Variants in CNTN4 observed in about 807,000 individuals in gnomAD.
CNTN4 encodes contactin-4.
A neutral mutation model predicts 122.5 loss-of-function variants in CNTN4; 77 were observed. That is an observed-to-expected ratio of 0.63 (90% CI 0.52 to 0.76). The LOEUF (loss-of-function observed/expected upper bound fraction) is 0.76, where lower values mean the gene tolerates loss of function less well. Among genes scored for constraint, CNTN4 ranks in the 30% least tolerant of loss-of-function variants. The probability of loss-of-function intolerance (pLI) is 0.00; values close to 1 mark genes in which losing one functional copy is unlikely to be tolerated. For missense variants in CNTN4, 1,256 were observed against 1,259.1 expected, an observed-to-expected ratio of 1.00 and a Z score of 0.04; for synonymous variants, 512 against 447.0, an observed-to-expected ratio of 1.15 and a Z score of -1.83.
intron 4 of CNTN4, among the ~76,000 whole-genome samples, chr3:2,590,151 C>T (rs779101452): frequency 6.6e-6 from 1 of 152,204 alleles, no homozygotes; most frequent in African/African-American, 2.4e-5. Flanking sequence ...TTGGTCTTCC[C>T]TCATCTTCAC....
At chr3:2,101,873 T>C (rs2031993189) in intron 2 of CNTN4, among the ~76,000 whole-genome samples, 1 of 152,226 alleles carries the variant, frequency 6.6e-6, no homozygotes, top group Admixed American at 6.5e-5. Flanking sequence ...TAGCACACTT[T>C]AAAGATCACT....
chr3:2,904,378 G>C lies in CNTN4; in HGVS notation c.1207+1373G>C, dbSNP rs112269031. ...CTCAAGTAGAATGTACTTCCATTCTGTGCAATGTAAAAAAATAAAAAGAAA... is the reference window on the plus strand; with the variant it reads ...CTCAAGTAGAATGTACTTCCATTCTCTGCAATGTAAAAAAATAAAAAGAAA... On this transcript the variant is annotated intron_variant, in intron 12 of 24. Coordinates refer to ENST00000418658, the MANE Select transcript of CNTN4 (RefSeq NM_175607.3). Among the ~76,000 whole-genome samples the C allele has an allele frequency of 3.5e-3, 528 of 152,262 alleles. 8 individuals are homozygous for C. The highest frequency in any genetic ancestry group is 0.012 in the African/African-American group (500 of 41,546).
At chr3:2,384,109 G>T (rs1411534329) in intron 3 of CNTN4, among the ~76,000 whole-genome samples, 1 of 152,138 alleles carries the variant, frequency 6.6e-6, no homozygotes, top group Non-Finnish European at 1.5e-5. Context: ...CGGTTGTTGG[G>T]TGAATCAAAT....
chr3:2,263,596 A>G (rs2040923642), intron 2 of CNTN4, among the ~76,000 whole-genome samples: 1 of 152,112 alleles, frequency 6.6e-6, no homozygotes, highest in Admixed American at 6.6e-5. Flanking sequence ...TGGGATACCT[A>G]TTACCTCAAA....
At chr3:2,550,192 A>G (rs1337703933) in intron 3 of CNTN4, among the ~76,000 whole-genome samples, 4 of 151,988 alleles carry the variant, frequency 2.6e-5, no homozygotes, top group Non-Finnish European at 2.9e-5. Flanking sequence ...TCATGTATCT[A>G]TCTTTTTCAG....
intron 4 of CNTN4, among the ~76,000 whole-genome samples, chr3:2,688,861 C>T (rs537764379): frequency 5.9e-5 from 9 of 152,230 alleles, no homozygotes; most frequent in East Asian, 1.9e-4. Flanking sequence ...TCACTAGTGA[C>T]GGTTGAGCAT....
Position 2,754,423 on chromosome 3 carries a change from G to A in CNTN4, c.358+8726G>A, listed in dbSNP as rs546728833. 4.6e-5 allele frequency among the ~76,000 whole-genome samples: 7 copies of A among 152,078 alleles called. 1 individual carries two copies. In the South Asian group the frequency reaches 1.5e-3, roughly 32 times the overall value. On this transcript the variant is annotated intron_variant, in intron 6 of 24. Coordinates refer to ENST00000418658, the MANE Select transcript of CNTN4 (RefSeq NM_175607.3). ...GCTACCTGCCTGCTGTAGGGAAACT[G>A]GCATTATCATGGTCATGGGCAAGGT...
intron 3 of CNTN4, among the ~76,000 whole-genome samples, chr3:2,416,538 G>T (rs2047419915): frequency 6.6e-6 from 1 of 152,172 alleles, no homozygotes; most frequent in South Asian, 2.1e-4. Context: ...TTCATTAGTG[G>T]ATATTACATT....
intron 10 of CNTN4, among the ~76,000 whole-genome samples, chr3:2,895,831 G>C (rs11707602): frequency 0.22 from 33,432 of 152,084 alleles, 4,402 homozygotes; most frequent in East Asian, 0.55. Flanking sequence ...TCAGGAGATC[G>C]AGACCATCCT....
intron 8 of CNTN4, among the ~76,000 whole-genome samples, chr3:2,879,293 G>A (rs1392808672): frequency 6.6e-6 from 1 of 152,134 alleles, no homozygotes; most frequent in East Asian, 1.9e-4. Flanking sequence ...ACCACCAGAA[G>A]GTAGGAAGGA....
intron 3 of CNTN4, among the ~76,000 whole-genome samples, chr3:2,509,429 C>T (rs1231028008): frequency 6.6e-6 from 1 of 152,080 alleles, no homozygotes; most frequent in African/African-American, 2.4e-5. Context: ...CATGTTGAAC[C>T]AACACAAAAT....
At chr3:2,412,591 G>A (rs1290816969) in intron 3 of CNTN4, among the ~76,000 whole-genome samples, 3 of 152,144 alleles carry the variant, frequency 2.0e-5, no homozygotes, top group African/African-American at 7.2e-5. Flanking sequence ...GTACCCACGT[G>A]GGGTTGTGGT....
chr3:2,292,322 T>C (rs990345934), intron 2 of CNTN4, among the ~76,000 whole-genome samples: 1 of 152,218 alleles, frequency 6.6e-6, no homozygotes, highest in African/African-American at 2.4e-5. Context: ...AATTGTCACT[T>C]AGGATTTATT....
intron 7 of CNTN4, among the ~76,000 whole-genome samples, chr3:2,833,012 A>T (rs1013093353): frequency 6.6e-6 from 1 of 152,208 alleles, no homozygotes; most frequent in Non-Finnish European, 1.5e-5. Context: ...ATACTTAGTG[A>T]TAAAAAAAAA....
chr3:2,880,336 G>A lies in CNTN4; in HGVS notation c.653-2809G>A, dbSNP rs150795916. ...AAGGCAGGCTGTCTTGATTTCCTGG[G>A]AAGACGAAAGACCTCCTTCTCTCAA... On this transcript the variant is annotated intron_variant, in intron 8 of 24. Coordinates refer to ENST00000418658, the MANE Select transcript of CNTN4 (RefSeq NM_175607.3). Among the ~76,000 whole-genome samples, 11 of 152,298 alleles carry A rather than the reference G, an allele frequency of 7.2e-5. No individual in the cohort carries two copies. The East Asian group carries it at 2.1e-3, about 29-fold the overall frequency.
intron 4 of CNTN4, among the ~76,000 whole-genome samples, chr3:2,631,704 T>C (rs2082435639): frequency 6.6e-6 from 1 of 150,980 alleles, no homozygotes; most frequent in Non-Finnish European, 1.5e-5. Context: ...TCAAACCAAG[T>C]AAGTAAGAGT....
chr3:2,571,672 C>T, intron 4 of CNTN4, 114 bp downstream of exon 4: 2 of 772,322 alleles, frequency 2.6e-6, no homozygotes, highest in Admixed American at 3.8e-5. Flanking sequence ...GTATATGCTG[C>T]TATGACTAGC....
chr3:2,673,070 G>T (rs1280376651), intron 4 of CNTN4, among the ~76,000 whole-genome samples: 1 of 152,138 alleles, frequency 6.6e-6, no homozygotes, highest in African/African-American at 2.4e-5. Flanking sequence ...ATTTTGCAAA[G>T]ATTTGTTTTT....
chr3:2,155,038 G>C (rs2035659537), intron 2 of CNTN4, among the ~76,000 whole-genome samples: 1 of 152,212 alleles, frequency 6.6e-6, no homozygotes, highest in African/African-American at 2.4e-5. Context: ...AATTTGTTAA[G>C]TGTTTTGTGT....
Sources: allele counts gnomAD v4.1 joint callset (sites outside exome capture counted in the v4.1 genomes callset), GRCh38; gene constraint gnomAD v4.1.1; transcripts MANE v1.5; gene names NCBI Gene and HGNC (gene_info 2026-07-23, HGNC 2026-07-21).